Variants in CFI observed in about 807,000 individuals in gnomAD.
CFI encodes complement factor I.
In CFI, 66 loss-of-function variants were observed where a neutral mutation model predicts 78.8. The ratio of observed to expected loss-of-function variants is 0.84; its 90% confidence interval spans 0.69 to 1.03. The LOEUF (loss-of-function observed/expected upper bound fraction) is 1.03, where lower values mean the gene tolerates loss of function less well. CFI is among the 50% of genes least tolerant of loss of function. The pLI is 0.00. For missense variants in CFI, 706 were observed against 704.5 expected, an observed-to-expected ratio of 1.00 and a Z score of -0.02; for synonymous variants, 250 against 232.6, an observed-to-expected ratio of 1.07 and a Z score of -0.68.
At chr4:109,737,956 C>T (rs1244510604), downstream of CFI, among the ~76,000 whole-genome samples, 2 of 152,138 alleles carry the variant, frequency 1.3e-5, no homozygotes, top group African/African-American at 4.8e-5. Context: ...CTGACTTTCA[C>T]CCTTCAAGGC....
chr4:109,780,284 T>G (rs1729833136), intron 1 of CFI, among the ~76,000 whole-genome samples: 1 of 151,510 alleles, frequency 6.6e-6, no homozygotes, highest in South Asian at 2.1e-4. Context: ...TACAAAGAAC[T>G]CAAACAAATT....
At position 109,751,384 on chromosome 4, in the gene CFI, G is replaced by A. The variant is rs182891655; in HGVS notation, c.940+1084C>T. 6.6e-5 allele frequency among the ~76,000 whole-genome samples: 10 copies of A among 151,756 alleles called. No homozygotes were observed. In the East Asian group the frequency reaches 1.7e-3, roughly 27 times the overall value. ...GAATGTTATTCTGAGTAAAAATAAA[G>A]GGCCATTGTTGAAAATGCCTTTTGA... On this transcript the variant is annotated intron_variant, in intron 8 of 12. Coordinates refer to ENST00000394634, the MANE Select transcript of CFI (RefSeq NM_000204.5).
chr4:109,747,682 A>G (rs1230094835), intron 10 of CFI, among the ~76,000 whole-genome samples: 5 of 152,242 alleles, frequency 3.3e-5, no homozygotes. Flanking sequence ...AAACAATTTA[A>G]TGGAAATCTT....
At chr4:109,739,342 G>A (rs17040797), downstream of CFI, among the ~76,000 whole-genome samples, 3,195 of 152,204 alleles carry the variant, frequency 0.021, 121 homozygotes, top group East Asian at 0.19. Context: ...CAAGTGGTAG[G>A]GATGTAGCCA....
At chr4:109,752,792 G>A (rs965097916) in intron 7 of CFI, among the ~76,000 whole-genome samples, 6 of 147,344 alleles carry the variant, frequency 4.1e-5, no homozygotes, top group African/African-American at 1.5e-4. Flanking sequence ...CCAGTAGTTA[G>A]AGCACGCAAA....
In CFI at chr4:109,764,441, A is replaced by G. The variant is rs935489230; in HGVS notation, c.482+96T>C. Reference sequence around the variant, plus strand: ...CACATAGTTAATTTTCTTAGGTTACACATATGGAAATTAATACACAGAAAG... The same window carrying G: ...CACATAGTTAATTTTCTTAGGTTACGCATATGGAAATTAATACACAGAAAG... On this transcript the variant is annotated intron_variant, in intron 3 of 12. Coordinates refer to ENST00000394634, the MANE Select transcript of CFI (RefSeq NM_000204.5). 18 of 1,343,572 alleles carry G rather than the reference A, an allele frequency of 1.3e-5. No individual in the cohort carries two copies. The African/African-American group carries it at 2.5e-4, about 18-fold the overall frequency. The allele number at this position is 1,343,572 out of a possible 1,614,324, so 83.2% of individuals were successfully genotyped here. A position where few individuals can be genotyped will look rare whatever the true frequency, so the allele number is the denominator to read the frequency against.
At chr4:109,791,567 G>C (rs1256166181) in intron 1 of CFI, among the ~76,000 whole-genome samples, 1 of 152,116 alleles carries the variant, frequency 6.6e-6, no homozygotes, top group Non-Finnish European at 1.5e-5. Context: ...GGTTTTCATA[G>C]TTTTGGGTTT....
chr4:109,753,174 A>AAT (rs527427506), intron 7 of CFI, among the ~76,000 whole-genome samples: 6,295 of 6,630 alleles, frequency 0.95, 3,091 homozygotes, highest in Middle Eastern at 1. Flanking sequence ...AAATATTTAT[A>AAT]ATATATTTAT....
At chr4:109,757,742 A>C in intron 7 of CFI, 21 bp downstream of exon 7, 3 of 1,397,212 alleles carry the variant, frequency 2.1e-6, no homozygotes, top group Non-Finnish European at 3.0e-6. Flanking sequence ...TAATATCCCC[A>C]AATTTTAATA....
At chr4:109,800,783 ATG>A (rs201527532) in intron 1 of CFI, among the ~76,000 whole-genome samples, 1 of 147,846 alleles carries the variant, frequency 6.8e-6, no homozygotes, top group Admixed American at 6.6e-5. Flanking sequence ...ACACATACAT[ATG>A]TGTGTGTGTG....
intron 12 of CFI, among the ~76,000 whole-genome samples, chr4:109,741,543 C>T (rs934044393): frequency 3.9e-5 from 6 of 152,150 alleles, no homozygotes; most frequent in Non-Finnish European, 7.4e-5. Flanking sequence ...AACTATGACA[C>T]GGAGTTTAAC....
chr4:109,766,357 G>A (rs1727746913), intron 2 of CFI, among the ~76,000 whole-genome samples, 197 bp downstream of exon 2: 1 of 152,076 alleles, frequency 6.6e-6, no homozygotes, highest in African/African-American at 2.4e-5. Context: ...AGCATCCCAC[G>A]CTCTGCACTC....
chr4:109,740,284 T>G (rs1723637280), downstream of CFI, among the ~76,000 whole-genome samples: 1 of 147,976 alleles, frequency 6.8e-6, no homozygotes, highest in African/African-American at 2.5e-5. Flanking sequence ...GAGGGAGACT[T>G]TGCCTCAAAA....
At position 109,760,584 on chromosome 4, in the gene CFI, C is replaced by G. The variant is rs1385639299; in HGVS notation, c.711G>C (p.Gln237His). 3 of 1,611,624 alleles carry G rather than the reference C, an allele frequency of 1.9e-6. No individual in the cohort carries two copies. The highest frequency in any genetic ancestry group is 1.3e-5 in the African/African-American group (1 of 74,986). The change falls in exon 5 of 13, where the codon CAG (glutamine) becomes CAC (histidine). Residue 237 changes from glutamine (Q) to histidine (H), a missense_variant. Physicochemically the swap from Gln to His is conservative, Grantham distance 24 (BLOSUM62 0). Coordinates refer to ENST00000394634, the MANE Select transcript of CFI (RefSeq NM_000204.5). ...CATTGATACCATCACAGGCTTTCAT[C>G]TGAGAAATGTATTTCCCATTCACAC... is the stretch of plus-strand genomic sequence containing the variant. ...FQCVNGKYISQMKACDGINDC... is the reference protein window; with the variant it reads ...FQCVNGKYISHMKACDGINDC...
chr4:109,742,690 G>A, intron 11 of CFI, 95 bp from the exon 12 acceptor site: 1 of 807,274 alleles, frequency 1.2e-6, no homozygotes, highest in African/African-American at 1.7e-5. Flanking sequence ...ATGAAAGGGT[G>A]TATAGTTTTC....
chr4:109,753,385 TAAATATTTATAATATATATTTATTATATA>T (rs1247090870), intron 7 of CFI, among the ~76,000 whole-genome samples: 204 of 16,484 alleles, frequency 0.012, 52 homozygotes, highest in African/African-American at 0.026. Flanking sequence ...ATTTATTATA[TAAATATTTATAATATATATTTATTATATA>T]AATAAATATT....
intron 1 of CFI, among the ~76,000 whole-genome samples, 154 bp from the exon 2 acceptor site, chr4:109,766,978 A>G (rs1374498524): frequency 6.6e-6 from 1 of 152,208 alleles, no homozygotes; most frequent in Non-Finnish European, 1.5e-5. Context: ...ATAATGCCGC[A>G]TATCTACAAC....
At chr4:109,783,674 G>A (rs899954790) in intron 1 of CFI, among the ~76,000 whole-genome samples, 3 of 151,606 alleles carry the variant, frequency 2.0e-5, no homozygotes, top group African/African-American at 7.3e-5. Flanking sequence ...CCGCTACTGG[G>A]TATCTACTCA....
At chr4:109,776,323 A>G (rs1216578725) in intron 1 of CFI, among the ~76,000 whole-genome samples, 3 of 152,254 alleles carry the variant, frequency 2.0e-5, no homozygotes, top group African/African-American at 4.8e-5. Context: ...TATTTGATGC[A>G]TGCACAAGCT....
Sources: allele counts gnomAD v4.1 joint callset (sites outside exome capture counted in the v4.1 genomes callset), GRCh38; gene constraint gnomAD v4.1.1; transcripts MANE v1.5; gene names NCBI Gene and HGNC (gene_info 2026-07-23, HGNC 2026-07-21).